ROBO2: variants seen among roughly 807,000 people sequenced by gnomAD.
ROBO2 encodes the protein roundabout guidance receptor 2, also known as roundabout homolog 2.
Under a neutral mutation model 160.8 loss-of-function variants are expected in ROBO2, and 53 were observed. The observed-to-expected ratio is 0.33, with a 90% CI of 0.26 to 0.41. ROBO2 has a LOEUF of 0.41. Ranked by LOEUF, ROBO2 falls within the 10% of genes least tolerant of loss-of-function variation. The pLI is 1.00. For missense variants in ROBO2, 1,577 were observed against 1,722.4 expected (o/e 0.92, Z 1.49); for synonymous variants, 664 against 611.7 (o/e 1.09, Z -1.26).
intron 9 of ROBO2, among the ~76,000 whole-genome samples, chr3:77,561,970 G>A (rs2093335831): frequency 6.6e-6 from 1 of 151,938 alleles, no homozygotes; most frequent in Admixed American, 6.6e-5. Flanking sequence ...AGGCATGGTG[G>A]CACATGCCTG....
intron 2 of ROBO2, among the ~76,000 whole-genome samples, chr3:77,470,421 T>C (rs912878729): frequency 1.3e-5 from 2 of 152,150 alleles, no homozygotes; most frequent in African/African-American, 2.4e-5. Flanking sequence ...CAGATGATAT[T>C]GCAAATCAGT....
At chr3:77,092,976 C>G (rs1360214732) in intron 1 of ROBO2, among the ~76,000 whole-genome samples, 1 of 151,906 alleles carries the variant, frequency 6.6e-6, no homozygotes, top group Non-Finnish European at 1.5e-5. Context: ...GCAGGGTGGG[C>G]AAACCTTGGT....
At chr3:76,705,691 G>A (rs1217720362) in intron 2 of ROBO2, among the ~76,000 whole-genome samples, 1 of 152,082 alleles carries the variant, frequency 6.6e-6, no homozygotes, top group Non-Finnish European at 1.5e-5. Context: ...GCATTCAACC[G>A]AAATATTATC....
chr3:76,908,912 T>C (rs2075789644), intron 2 of ROBO2, among the ~76,000 whole-genome samples: 1 of 152,302 alleles, frequency 6.6e-6, no homozygotes, highest in Non-Finnish European at 1.5e-5. Flanking sequence ...ACTAAAATAA[T>C]GTGCAACCTT....
chr3:77,287,968 T>G (rs1162835290), intron 2 of ROBO2, among the ~76,000 whole-genome samples: 2 of 152,188 alleles, frequency 1.3e-5, no homozygotes, highest in African/African-American at 4.8e-5. Context: ...AGTTGGCTAT[T>G]AGATCTTCAT....
chr3:76,233,302 C>T (rs1704734843), intron 2 of ROBO2, among the ~76,000 whole-genome samples: 1 of 152,090 alleles, frequency 6.6e-6, no homozygotes, highest in African/African-American at 2.4e-5. Context: ...TGCCACCACA[C>T]CCAGCTAATG....
At chr3:76,406,338 G>C (rs2078122638) in intron 2 of ROBO2, among the ~76,000 whole-genome samples, 1 of 151,852 alleles carries the variant, frequency 6.6e-6, no homozygotes, top group African/African-American at 2.4e-5. Flanking sequence ...TCTCTATGAT[G>C]ATAACTAATT....
At chr3:76,555,220 T>C (rs535218092) in intron 2 of ROBO2, among the ~76,000 whole-genome samples, 1 of 152,090 alleles carries the variant, frequency 6.6e-6, no homozygotes, top group Admixed American at 6.6e-5. Context: ...TGCCTAGTGC[T>C]TTCCCAGAGC....
intron 24 of ROBO2, among the ~76,000 whole-genome samples, chr3:77,639,937 G>C (rs1380337659): frequency 4.6e-5 from 7 of 152,084 alleles, no homozygotes; most frequent in Non-Finnish European, 8.8e-5. Flanking sequence ...AGAATCAATG[G>C]CAGTGTTAAC....
intron 2 of ROBO2, among the ~76,000 whole-genome samples, chr3:76,255,032 C>A (rs1385754782): frequency 6.6e-6 from 1 of 152,060 alleles, no homozygotes; most frequent in Non-Finnish European, 1.5e-5. Flanking sequence ...GGCTGACACT[C>A]AGATGTAGGC....
chr3:77,409,101 ATG>A (rs907447126), intron 2 of ROBO2, among the ~76,000 whole-genome samples: 1 of 120,684 alleles, frequency 8.3e-6, no homozygotes, highest in Non-Finnish European at 1.8e-5. Flanking sequence ...ACATATATAT[ATG>A]TATATATATA....
chr3:76,903,840 T>C (rs1166397407), intron 2 of ROBO2, among the ~76,000 whole-genome samples: 1 of 152,190 alleles, frequency 6.6e-6, no homozygotes, highest in Non-Finnish European at 1.5e-5. Context: ...TCAAATATTT[T>C]TCTAGAAACT....
At chr3:76,858,806 A>G (rs756523215) in intron 2 of ROBO2, among the ~76,000 whole-genome samples, 8 of 152,230 alleles carry the variant, frequency 5.3e-5, no homozygotes, top group African/African-American at 1.9e-4. Flanking sequence ...GTGTAGGGTG[A>G]GGAAGATCCA....
chr3:77,644,614 G>C, intron 24 of ROBO2, 90 bp from the exon 27 acceptor site: 1 of 1,086,278 alleles, frequency 9.2e-7, no homozygotes, highest in Non-Finnish European at 1.4e-6. Context: ...TGGTAAAGTA[G>C]GCCATTCACA....
At chr3:76,766,331 T>C (rs760438785) in intron 2 of ROBO2, among the ~76,000 whole-genome samples, 4 of 151,668 alleles carry the variant, frequency 2.6e-5, no homozygotes, top group Non-Finnish European at 5.9e-5. Flanking sequence ...TATATAATGC[T>C]TAGATAATAA....
chr3:76,210,203 G>A (rs765940010), intron 2 of ROBO2, among the ~76,000 whole-genome samples: 8 of 152,060 alleles, frequency 5.3e-5, no homozygotes, highest in Non-Finnish European at 1.2e-4. Flanking sequence ...GAAACCTAAT[G>A]TGTAAGTTTG....
At chr3:76,035,354 T>A (rs1405840233) in intron 2 of ROBO2, among the ~76,000 whole-genome samples, 1 of 151,994 alleles carries the variant, frequency 6.6e-6, no homozygotes. Context: ...GACAGATGCA[T>A]AAGTATTATC....
At chr3:75,974,558 C>T (rs1412114995) in intron 2 of ROBO2, among the ~76,000 whole-genome samples, 1 of 151,528 alleles carries the variant, frequency 6.6e-6, no homozygotes, top group African/African-American at 2.4e-5. Flanking sequence ...TATCAACAGA[C>T]AATTTAACTT....
intron 14 of ROBO2, among the ~76,000 whole-genome samples, chr3:77,575,665 T>G (rs780168652): frequency 5.3e-5 from 8 of 152,150 alleles, no homozygotes; most frequent in Non-Finnish European, 7.4e-5. Context: ...TTTTAGGATA[T>G]GTTGAAAAGT....
Sources: allele counts gnomAD v4.1 joint callset (sites outside exome capture counted in the v4.1 genomes callset), GRCh38; gene constraint gnomAD v4.1.1; transcripts MANE v1.5; gene names NCBI Gene and HGNC (gene_info 2026-07-23, HGNC 2026-07-21).